Variants in CATSPERT observed in about 807,000 individuals in gnomAD.
CATSPERT encodes catsper channel auxiliary subunit tau.
the CATSPERT span, among the ~76,000 whole-genome samples, chr2:201,584,666 C>T: frequency 6.6e-6 from 1 of 151,972 alleles, no homozygotes; most frequent in Non-Finnish European, 1.5e-5. Context: ...GCCTGTAATC[C>T]CAGCTACTCA....
At chr2:201,499,223 G>A in the CATSPERT span, among the ~76,000 whole-genome samples, 1 of 152,154 alleles carries the variant, frequency 6.6e-6, no homozygotes, top group Non-Finnish European at 1.5e-5. Context: ...AGCATAAATA[G>A]AAATATTTCT....
chr2:201,568,571 T>G, the CATSPERT span, among the ~76,000 whole-genome samples: 1 of 152,176 alleles, frequency 6.6e-6, no homozygotes, highest in Non-Finnish European at 1.5e-5. Flanking sequence ...ATTGAAGTTG[T>G]CACTTGGCTA....
the CATSPERT span, among the ~76,000 whole-genome samples, chr2:201,506,262 G>A: frequency 5.0e-5 from 6 of 120,756 alleles, no homozygotes; most frequent in East Asian, 2.7e-4. Context: ...GCGAGACTCC[G>A]TCTCAAAAAC....
chr2:201,595,478 G>A, the CATSPERT span, among the ~76,000 whole-genome samples: 6 of 152,150 alleles, frequency 3.9e-5, no homozygotes, highest in East Asian at 3.9e-4. Flanking sequence ...GTGAGCCACC[G>A]CGCCCGGCCT....
the CATSPERT span, chr2:201,574,376 A>G: frequency 1.0e-6 from 1 of 962,606 alleles, no homozygotes; most frequent in Non-Finnish European, 1.5e-6. Flanking sequence ...TAAGTTAGAA[A>G]AGCCAAAGTA....
chr2:201,616,291 C>A, the CATSPERT span, among the ~76,000 whole-genome samples: 1 of 152,138 alleles, frequency 6.6e-6, no homozygotes, highest in South Asian at 2.1e-4. Context: ...TGATGAACAT[C>A]GATGCAAAAA....
chr2:201,615,161 A>G, the CATSPERT span, among the ~76,000 whole-genome samples: 1 of 152,172 alleles, frequency 6.6e-6, no homozygotes, highest in Non-Finnish European at 1.5e-5. Context: ...ACAGAAAGTT[A>G]ACAAGGATAT....
chr2:201,493,871 G>A, the CATSPERT span: 1 of 1,536,758 alleles, frequency 6.5e-7, no homozygotes. Flanking sequence ...GCTTCGAAGT[G>A]TTTTTTAGAG....
the CATSPERT span, among the ~76,000 whole-genome samples, chr2:201,581,523 TAA>T: frequency 6.2e-5 from 4 of 64,332 alleles, no homozygotes; most frequent in African/African-American, 2.8e-4. Context: ...TATATATATA[TAA>T]AATATTCTGG....
the CATSPERT span, among the ~76,000 whole-genome samples, chr2:201,529,455 A>T: frequency 6.6e-6 from 1 of 152,190 alleles, no homozygotes; most frequent in African/African-American, 2.4e-5. Flanking sequence ...TTCAGTATTT[A>T]TAATTAGTTG....
At chr2:201,572,998 T>G in the CATSPERT span, among the ~76,000 whole-genome samples, 1 of 152,132 alleles carries the variant, frequency 6.6e-6, no homozygotes, top group East Asian at 1.9e-4. Context: ...AAAAATGATA[T>G]GCAAATAAAG....
chr2:201,533,804 G>A, the CATSPERT span, among the ~76,000 whole-genome samples: 6 of 152,130 alleles, frequency 3.9e-5, no homozygotes, highest in African/African-American at 1.4e-4. Flanking sequence ...AATCAGGACT[G>A]AGTATGGGAC....
chr2:201,570,808 T>G, the CATSPERT span, among the ~76,000 whole-genome samples: 1 of 152,160 alleles, frequency 6.6e-6, no homozygotes, highest in South Asian at 2.1e-4. Context: ...ACTTCTGTGC[T>G]CTATCAAGAG....
chr2:201,582,008 A>C, the CATSPERT span: 5 of 1,471,956 alleles, frequency 3.4e-6, no homozygotes, highest in Non-Finnish European at 4.6e-6. Flanking sequence ...TAAACAAAAA[A>C]AGCCCATCAA....
the CATSPERT span, among the ~76,000 whole-genome samples, chr2:201,611,498 T>C: frequency 2.0e-5 from 3 of 152,070 alleles, no homozygotes; most frequent in South Asian, 4.1e-4. Flanking sequence ...ACAATAAATA[T>C]CTACATCAAA....
At chr2:201,491,418 T>G in the CATSPERT span, 2 of 1,537,104 alleles carry the variant, frequency 1.3e-6, no homozygotes, top group African/African-American at 2.7e-5. Flanking sequence ...ATGACTGTAT[T>G]TCAGGGAACT....
At chr2:201,618,977 G>A in the CATSPERT span, 6 of 1,613,886 alleles carry the variant, frequency 3.7e-6, no homozygotes, top group Admixed American at 1.0e-4. Flanking sequence ...AGGGCGTAAG[G>A]GACCGAAGAA....
At chr2:201,572,917 A>G in the CATSPERT span, among the ~76,000 whole-genome samples, 1 of 152,224 alleles carries the variant, frequency 6.6e-6, no homozygotes, top group Admixed American at 6.5e-5. Context: ...TTGTTAAATA[A>G]GGCTGATGTC....
chr2:201,515,472 A>G, the CATSPERT span, among the ~76,000 whole-genome samples: 2 of 151,712 alleles, frequency 1.3e-5, no homozygotes, highest in African/African-American at 4.8e-5. Flanking sequence ...TGACCTGGCA[A>G]GCAGGTCCTT....
Sources: gnomAD v4.1 joint callset for allele counts (sites outside exome capture counted in the v4.1 genomes callset) on GRCh38, gnomAD v4.1.1 for gene constraint, MANE v1.5 for transcripts, NCBI Gene and HGNC (gene_info 2026-07-23, HGNC 2026-07-21) for gene names.